Variants in ADAMTS7 observed in about 807,000 individuals in gnomAD.
The protein encoded by ADAMTS7 is ADAM metallopeptidase with thrombospondin type 1 motif 7.
Under a neutral mutation model 172.6 loss-of-function variants are expected in ADAMTS7, and 89 were observed. The ratio of observed to expected loss-of-function variants is 0.52; its 90% CI spans 0.43 to 0.61. ADAMTS7 has a LOEUF of 0.61. Ranked by LOEUF, ADAMTS7 falls within the 20% of genes least tolerant of loss-of-function variation. ADAMTS7 has a pLI of 0.00. For synonymous variants in ADAMTS7, 885 were observed against 978.4 expected (o/e 0.90, Z 1.78); for missense variants, 1,973 against 2,355.6 (o/e 0.84, Z 3.36).
At chr15:78,802,172 G>A (rs967603223) in intron 1 of ADAMTS7, among the ~76,000 whole-genome samples, 1 of 152,116 alleles carries the variant, frequency 6.6e-6, no homozygotes, top group African/African-American at 2.4e-5. Context: ...AGTGTTAGAG[G>A]AAGTGTCCAG....
At chr15:78,796,911 G>T in intron 3 of ADAMTS7, 125 bp from the exon 4 acceptor site, 2 of 809,494 alleles carry the variant, frequency 2.5e-6, no homozygotes, top group Non-Finnish European at 3.8e-6. Context: ...GAGGCCAGGG[G>T]CCTGAATTCG....
intron 8 of ADAMTS7, among the ~76,000 whole-genome samples, chr15:78,782,158 G>A (rs2055436911): frequency 6.6e-6 from 1 of 151,962 alleles, no homozygotes; most frequent in Non-Finnish European, 1.5e-5. Flanking sequence ...AGCCTCCCGA[G>A]TAGCTGGGAT....
At chr15:78,781,361 G>A (rs979249788) in intron 8 of ADAMTS7, among the ~76,000 whole-genome samples, 1 of 152,138 alleles carries the variant, frequency 6.6e-6, no homozygotes, top group African/African-American at 2.4e-5. Context: ...CCTGGGCCTC[G>A]GGAGGGCCCT....
At chr15:78,809,131 G>A (rs2055833267) in intron 1 of ADAMTS7, among the ~76,000 whole-genome samples, 1 of 152,152 alleles carries the variant, frequency 6.6e-6, no homozygotes, top group African/African-American at 2.4e-5. Flanking sequence ...GTTCACATGT[G>A]CCATACGGCA....
chr15:78,807,959 A>G (rs2141531349), intron 1 of ADAMTS7, among the ~76,000 whole-genome samples: 1 of 151,886 alleles, frequency 6.6e-6, no homozygotes, highest in East Asian at 1.9e-4. Flanking sequence ...GGCTCATGCA[A>G]TCCTCCCACC....
chr15:78,759,505 G>A lies in ADAMTS7; in HGVS notation c.4977C>T (p.Thr1659=), dbSNP rs1477528616. Residue 1659 remains threonine, a synonymous_variant, in exon 24 of 24, where the codon ACC becomes ACT. Coordinates refer to ENST00000388820, the MANE Select transcript of ADAMTS7 (RefSeq NM_014272.5). Reference sequence around the variant, plus strand: ...ACGAGCGGCAGCACTGGGTGCGGATGGTGGGCAGCTGGCAGCGGCCCAGTA... The same window carrying A: ...ACGAGCGGCAGCACTGGGTGCGGATAGTGGGCAGCTGGCAGCGGCCCAGTA... ...LRLLGRCQLP[T]IRTQCCRSCS... 1 of 1,597,690 alleles carries A rather than the reference G, an allele frequency of 6.3e-7. No individual in the cohort carries two copies. Among genetic ancestry groups the A allele is most frequent in the Non-Finnish European group, 8.5e-7 (1 of 1,177,544 alleles).
At chr15:78,782,496 T>C (rs61151814) in intron 8 of ADAMTS7, among the ~76,000 whole-genome samples, 2,088 of 126,118 alleles carry the variant, frequency 0.017, 40 homozygotes, top group South Asian at 0.11. Context: ...TCTAGAAAAA[T>C]ATGGCATGTT....
In ADAMTS7 at chr15:78,766,842, C is replaced by T. The variant is rs146441446; in HGVS notation, c.3069G>A (p.Pro1023=). 1.4e-4 allele frequency: 232 copies of T among 1,609,844 alleles called. 2 individuals carry two copies. The highest frequency in any genetic ancestry group is 5.9e-4 in the South Asian group (54 of 90,888). ...HELFNEADFI[P]HHLAPRPSPA... ...GTGAAGGGCGTGGGGCCAGGTGGTG[C>T]GGGATGAAGTCAGCCTCGTTGAAGA... Residue 1023 remains proline (P), a synonymous_variant, in exon 19 of 24, where the codon CCG becomes CCA. Transcript: ENST00000388820.
chr15:78,792,068 A>T lies in ADAMTS7; in HGVS notation c.820-845T>A, dbSNP rs532391074. On this transcript the variant is annotated intron_variant, in intron 4 of 23. Coordinates refer to ENST00000388820, the MANE Select transcript of ADAMTS7 (RefSeq NM_014272.5). ...GTGAGTTGGCTTCTAGCAATGCATC[A>T]AGAAAAAGAATATTCAAATAGCAAG... Among the ~76,000 whole-genome samples the T allele has an allele frequency of 7.2e-5, 11 of 152,360 alleles. 1 individual carries two copies. In the South Asian group the frequency reaches 2.3e-3, roughly 32 times the overall value.
chr15:78,759,968 C>T (rs1200770932), intron 23 of ADAMTS7, among the ~76,000 whole-genome samples: 1 of 152,166 alleles, frequency 6.6e-6, no homozygotes, highest in Non-Finnish European at 1.5e-5. Flanking sequence ...GGCCTCCTGC[C>T]AGCCTGCAGC....
At position 78,802,131 on chromosome 15, in the gene ADAMTS7, T is replaced by C. The variant is rs147562567; in HGVS notation, c.101-1584A>G. On this transcript the variant is annotated intron_variant, in intron 1 of 23. Coordinates refer to ENST00000388820, the MANE Select transcript of ADAMTS7 (RefSeq NM_014272.5). ...GGATTACAGGTGTGAGCCACCACAC[T>C]TGGCCCTTTATATTCTTTGTTAAAG... 1.6e-3 allele frequency among the ~76,000 whole-genome samples: 237 copies of C among 152,270 alleles called. 1 individual carries two copies. Among genetic ancestry groups the C allele is most frequent in the African/African-American group, 3.6e-3 (149 of 41,538 alleles).
rs1555432581 is a variant in ADAMTS7 at position 78,791,075 on chromosome 15, T to C, written c.903+65A>G. On this transcript the variant is annotated intron_variant, in intron 5 of 23. Transcript: ENST00000388820. Reference sequence around the variant, plus strand: ...CTTCCATAAAGAGCAGCACAGGTCATGCGGCAGGAGGGCTCTGGCAGCCGA... The same window carrying C: ...CTTCCATAAAGAGCAGCACAGGTCACGCGGCAGGAGGGCTCTGGCAGCCGA... The C allele has an allele frequency of 4.1e-5, 63 of 1,544,554 alleles. 1 individual carries two copies. In the South Asian group the frequency reaches 7.4e-4, roughly 18 times the overall value.
At position 78,767,321 on chromosome 15, in the gene ADAMTS7, C is replaced by G. The variant is rs1253187294; in HGVS notation, c.2859+58G>C. The G allele has an allele frequency of 2.0e-5, 32 of 1,589,312 alleles. No individual in the cohort carries two copies. The Admixed American group carries it at 5.4e-4, about 27-fold the overall frequency. On this transcript the variant is annotated intron_variant, in intron 18 of 23. Transcript: ENST00000388820. ...GTCTCCAGGAAGGCTGTCTGCCTCC[C>G]TGTAGCTGAAGACCAAGGGTGGAGC...
rs1039613661 is a variant in ADAMTS7 at position 78,771,028 on chromosome 15, G to C, written c.2518+134C>G. 1 of 1,243,442 alleles carries C rather than the reference G, an allele frequency of 8.0e-7. No homozygotes were observed. The highest frequency in any genetic ancestry group is 1.1e-6 in the Non-Finnish European group (1 of 904,768). The allele number at this position is 1,243,442 out of a possible 1,614,324, so 77.0% of individuals were successfully genotyped here. On this transcript the variant is annotated intron_variant, in intron 16 of 23. Coordinates refer to ENST00000388820, the MANE Select transcript of ADAMTS7 (RefSeq NM_014272.5). The surrounding 1 kb of genome is among the most constrained non-coding windows in gnomAD (Gnocchi z 4.9). ...GGGCAATCGCTAGCCTCATCTCACA[G>C]ATGGAGAACTGAGGCTCAGAGAAGC...
chr15:78,759,592 G>C lies in ADAMTS7; in HGVS notation c.4904-14C>G. Reference sequence around the variant, plus strand: ...CCCGCTCACAGCCTGGAGTGGGGGGGCAGAGAGGCATCAGAACCAGTAGCT... The same window carrying C: ...CCCGCTCACAGCCTGGAGTGGGGGGCCAGAGAGGCATCAGAACCAGTAGCT... On this transcript the variant is annotated splice_polypyrimidine_tract_variant and intron_variant, in intron 23 of 23. Transcript: ENST00000388820. The C allele has an allele frequency of 1.9e-6, 3 of 1,567,974 alleles. No individual in the cohort carries two copies. The highest frequency in any genetic ancestry group is 1.2e-5 in the South Asian group (1 of 86,800).
intron 11 of ADAMTS7, 52 bp downstream of exon 11, chr15:78,776,136 G>A: frequency 6.4e-7 from 1 of 1,559,912 alleles, no homozygotes; most frequent in Non-Finnish European, 8.7e-7. Context: ...TCGGCTGACT[G>A]TTTGGGTCCC....
At position 78,763,966 on chromosome 15, in the gene ADAMTS7, GC is replaced by G; in HGVS notation, c.4552del (p.Ala1518ProfsTer27). The G allele has an allele frequency of 6.5e-7, 1 of 1,545,288 alleles. No homozygotes were observed. Among genetic ancestry groups the G allele is most frequent in the Non-Finnish European group, 8.7e-7 (1 of 1,144,816 alleles). The part of the protein sequence containing the change: ...AKPPAHRPCG[A>X]QPCLSWYTSS... ...TGTGTACCAGCTGAGGCAGGGCTGG[GC>G]CCCGCAGGGCCGGTGCGCAGGCGGC... On this transcript the variant is annotated frameshift_variant, in exon 21 of 24. Transcript: ENST00000388820. LOFTEE classifies it high-confidence loss of function.
intron 23 of ADAMTS7, 113 bp from the exon 24 acceptor site, chr15:78,759,691 GC>G: frequency 7.7e-7 from 1 of 1,303,322 alleles, no homozygotes; most frequent in Non-Finnish European, 1.0e-6. Flanking sequence ...CAAGCAGAGA[GC>G]CCCAGTTTCT....
chr15:78,787,347 G>GAA (rs758238548), intron 8 of ADAMTS7, among the ~76,000 whole-genome samples: 2,126 of 106,244 alleles, frequency 0.02, 73 homozygotes, highest in Non-Finnish European at 0.027. Flanking sequence ...TAGCAAATTT[G>GAA]AAAAAAAAAA....
Sources: allele counts gnomAD v4.1 joint callset (sites outside exome capture counted in the v4.1 genomes callset), GRCh38; gene constraint gnomAD v4.1.1; non-coding constraint Gnocchi (gnomAD v3.1); transcripts MANE v1.5; gene names NCBI Gene and HGNC (gene_info 2026-07-23, HGNC 2026-07-21).